MPPED2: variants seen among roughly 807,000 people sequenced by gnomAD.
MPPED2 encodes the protein metallophosphoesterase domain containing 2.
A neutral mutation model predicts 33.0 loss-of-function variants in MPPED2; 5 were observed. The observed-to-expected ratio is 0.15, with a 90% CI of 0.08 to 0.32. The LOEUF is 0.32. Ranked by LOEUF, MPPED2 falls within the 10% of genes least tolerant of loss-of-function variation. The pLI is 1.00. For missense variants in MPPED2, 275 were observed against 372.1 expected (o/e 0.74, Z 2.15); for synonymous variants, 136 against 141.9 (o/e 0.96, Z 0.29).
At chr11:30,489,239 T>C (rs774062431) in intron 4 of MPPED2, among the ~76,000 whole-genome samples, 5 of 152,172 alleles carry the variant, frequency 3.3e-5, no homozygotes, top group Admixed American at 6.5e-5. Context: ...GTCAGCAAAA[T>C]ACATGATGCA....
At chr11:30,458,148 G>A (rs1950359951) in intron 4 of MPPED2, among the ~76,000 whole-genome samples, 1 of 152,152 alleles carries the variant, frequency 6.6e-6, no homozygotes, top group Non-Finnish European at 1.5e-5. Context: ...AGATTAAGAT[G>A]AAATGATCTC....
At chr11:30,428,956 C>G (rs1234579978) in intron 4 of MPPED2, 3 of 152,142 alleles carry the variant, frequency 2.0e-5, no homozygotes, top group African/African-American at 7.2e-5. Context: ...TTTACCTTTT[C>G]TCTACTTTTC....
chr11:30,534,003 A>AT (rs1309293251), intron 3 of MPPED2, among the ~76,000 whole-genome samples: 2 of 152,196 alleles, frequency 1.3e-5, no homozygotes, highest in African/African-American at 4.8e-5. Context: ...TCAGTTATTA[A>AT]TGGCCCACAA....
At chr11:30,419,386 A>G (rs1161757091) in intron 4 of MPPED2, among the ~76,000 whole-genome samples, 1 of 152,188 alleles carries the variant, frequency 6.6e-6, no homozygotes, top group Non-Finnish European at 1.5e-5. Flanking sequence ...GCTCTGGGTG[A>G]GACTCTTCTG....
At chr11:30,464,390 C>T (rs990515351) in intron 4 of MPPED2, among the ~76,000 whole-genome samples, 4 of 152,072 alleles carry the variant, frequency 2.6e-5, no homozygotes, top group Non-Finnish European at 4.4e-5. Context: ...GATCATCCTT[C>T]CCAAGAAAGA....
At chr11:30,394,983 A>G (rs1947823076) in intron 6 of MPPED2, among the ~76,000 whole-genome samples, 1 of 152,146 alleles carries the variant, frequency 6.6e-6, no homozygotes, top group Non-Finnish European at 1.5e-5. Context: ...TTGTCTTTGC[A>G]CCTTTTTCAA....
intron 3 of MPPED2, among the ~76,000 whole-genome samples, chr11:30,534,389 C>T (rs375135022): frequency 2.2e-4 from 33 of 152,080 alleles, no homozygotes; most frequent in African/African-American, 7.5e-4. Flanking sequence ...AAGACATAAG[C>T]GAAAAGATCT....
At chr11:30,571,865 A>C (rs958047995) in intron 2 of MPPED2, among the ~76,000 whole-genome samples, 1 of 152,196 alleles carries the variant, frequency 6.6e-6, no homozygotes, top group East Asian at 1.9e-4. Flanking sequence ...GTATGTTGCA[A>C]ACACAAACTA....
intron 4 of MPPED2, among the ~76,000 whole-genome samples, chr11:30,478,682 G>A (rs1951333478): frequency 6.6e-6 from 1 of 152,082 alleles, no homozygotes; most frequent in Non-Finnish European, 1.5e-5. Flanking sequence ...AAACCAACAA[G>A]ATTCTGAGAC....
intron 4 of MPPED2, among the ~76,000 whole-genome samples, chr11:30,462,532 T>C (rs11031102): frequency 0.23 from 35,086 of 152,130 alleles, 6,514 homozygotes; most frequent in African/African-American, 0.52. Context: ...GGACAATTAG[T>C]CTTTTTAAAA....
chr11:30,487,294 A>G (rs528314902), intron 4 of MPPED2, among the ~76,000 whole-genome samples: 1 of 152,230 alleles, frequency 6.6e-6, no homozygotes, highest in South Asian at 2.1e-4. Context: ...ACTGCAGCCG[A>G]AGTACACTGC....
chr11:30,522,805 C>T (rs943879081), intron 3 of MPPED2, among the ~76,000 whole-genome samples: 2 of 152,154 alleles, frequency 1.3e-5, no homozygotes, highest in African/African-American at 4.8e-5. Flanking sequence ...TAATGATTTG[C>T]CACATATCTC....
chr11:30,413,448 G>T (rs1247492138), intron 6 of MPPED2, among the ~76,000 whole-genome samples: 1 of 152,150 alleles, frequency 6.6e-6, no homozygotes, highest in Admixed American at 6.5e-5. Flanking sequence ...CTGTCTCAAA[G>T]CCCAGTTACC....
chr11:30,521,841 A>T (rs140750071), intron 3 of MPPED2, among the ~76,000 whole-genome samples: 90 of 152,224 alleles, frequency 5.9e-4, no homozygotes, highest in African/African-American at 2.0e-3. Context: ...TGCCCCTTGG[A>T]GCTCTGTGAC....
chr11:30,498,306 C>A (rs10835675), intron 3 of MPPED2, among the ~76,000 whole-genome samples: 1 of 151,910 alleles, frequency 6.6e-6, no homozygotes, highest in Non-Finnish European at 1.5e-5. Flanking sequence ...CTCTACCAGC[C>A]GGGCACGGTG....
intron 4 of MPPED2, among the ~76,000 whole-genome samples, chr11:30,456,755 C>T (rs541186633): frequency 3.9e-5 from 6 of 152,260 alleles, no homozygotes; most frequent in Non-Finnish European, 4.4e-5. Context: ...ACAGAATATT[C>T]TGGACCTTTC....
chr11:30,396,815 C>A (rs1032485721), intron 6 of MPPED2, among the ~76,000 whole-genome samples: 7 of 151,962 alleles, frequency 4.6e-5, no homozygotes, highest in Non-Finnish European at 1.0e-4. Context: ...ATTTCTTGTC[C>A]CAATCCTGGG....
chr11:30,474,934 G>A (rs1440677031), intron 4 of MPPED2, among the ~76,000 whole-genome samples: 1 of 152,124 alleles, frequency 6.6e-6, no homozygotes, highest in Non-Finnish European at 1.5e-5. Flanking sequence ...ACAAAAAACT[G>A]CATAACTTGA....
At chr11:30,429,636 G>C (rs889921973) in intron 4 of MPPED2, among the ~76,000 whole-genome samples, 3 of 152,138 alleles carry the variant, frequency 2.0e-5, no homozygotes, top group Non-Finnish European at 4.4e-5. Flanking sequence ...CAAAACTCTG[G>C]CAGGGCGCTC....
Sources: gnomAD v4.1 joint callset for allele counts (sites outside exome capture counted in the v4.1 genomes callset) on GRCh38, gnomAD v4.1.1 for gene constraint, MANE v1.5 for transcripts, NCBI Gene and HGNC (gene_info 2026-07-23, HGNC 2026-07-21) for gene names.